CSMD3: variants seen among roughly 807,000 people sequenced by gnomAD.
CSMD3 encodes the protein CUB and Sushi multiple domains 3.
Under a neutral mutation model 435.2 loss-of-function variants are expected in CSMD3, and 177 were observed. The observed-to-expected ratio is 0.41, with a 90% CI of 0.36 to 0.46. CSMD3 has a LOEUF of 0.46. Ranked by LOEUF, CSMD3 falls within the 20% of genes least tolerant of loss-of-function variation. The pLI is 0.34. For missense variants in CSMD3, 4,265 were observed against 4,504.6 expected (o/e 0.95, Z 1.52); for synonymous variants, 1,656 against 1,520.5 (o/e 1.09, Z -2.07).
At chr8:113,099,245 A>C (rs1305384826) in intron 4 of CSMD3, among the ~76,000 whole-genome samples, 2 of 152,104 alleles carry the variant, frequency 1.3e-5, no homozygotes, top group Non-Finnish European at 2.9e-5. Context: ...CATTAGGAAA[A>C]TAGAATCAAG....
intron 3 of CSMD3, among the ~76,000 whole-genome samples, chr8:113,190,951 A>T (rs1476967961): frequency 6.6e-6 from 1 of 151,772 alleles, no homozygotes; most frequent in Non-Finnish European, 1.5e-5. Flanking sequence ...AATACATTTA[A>T]ATGTTTTAGG....
chr8:112,538,153 T>C (rs898717629), intron 27 of CSMD3, among the ~76,000 whole-genome samples: 20 of 152,024 alleles, frequency 1.3e-4, no homozygotes, highest in Admixed American at 1.3e-4. Context: ...CATCCCTTAA[T>C]GATAACAACT....
At chr8:113,300,430 A>G (rs2093756991) in intron 2 of CSMD3, among the ~76,000 whole-genome samples, 1 of 152,160 alleles carries the variant, frequency 6.6e-6, no homozygotes, top group Admixed American at 6.6e-5. Flanking sequence ...AAGTCATGGA[A>G]CCAACCTAAG....
intron 59 of CSMD3, among the ~76,000 whole-genome samples, chr8:112,279,084 A>G (rs1258015914): frequency 6.6e-6 from 1 of 152,168 alleles, no homozygotes; most frequent in East Asian, 1.9e-4. Context: ...GAGAAGAAAC[A>G]AAAATTGAAA....
At chr8:112,425,974 C>CA (rs543349600) in intron 32 of CSMD3, among the ~76,000 whole-genome samples, 108 of 151,956 alleles carry the variant, frequency 7.1e-4, no homozygotes, top group Non-Finnish European at 1.4e-3. Flanking sequence ...TAAGCAGAAA[C>CA]AAAAAATACA....
At chr8:112,379,337 C>T (rs1019014089) in intron 38 of CSMD3, among the ~76,000 whole-genome samples, 2 of 151,930 alleles carry the variant, frequency 1.3e-5, no homozygotes, top group Admixed American at 6.6e-5. Flanking sequence ...GGAGTGGTGT[C>T]GGGCACAAGT....
chr8:112,980,251 A>G (rs1167001922), intron 6 of CSMD3, among the ~76,000 whole-genome samples: 1 of 150,894 alleles, frequency 6.6e-6, no homozygotes, highest in East Asian at 2.0e-4. Context: ...AACAGAATAT[A>G]TTGCTAGAGA....
Position 112,234,449 on chromosome 8 carries a change from T to C in CSMD3, c.10656A>G (p.Leu3552=), listed in dbSNP as rs1242276307. 1.5e-5 allele frequency: 24 copies of C among 1,613,016 alleles called. No homozygotes were observed. Among genetic ancestry groups the C allele is most frequent in the Non-Finnish European group, 2.0e-5 (23 of 1,179,276 alleles). The change falls in exon 68 of 71, where the codon CTA becomes CTG. Residue 3552 remains leucine, a synonymous_variant. Coordinates refer to ENST00000297405, the MANE Select transcript of CSMD3 (RefSeq NM_198123.2). ...CTTTAATAAGATATATGCGTAACAT[T>C]AGGCGAGCTTCCTGGCTTTTATATA... ...SGVYKSQEAR[L]MLRIYLIKVP... is the part of the protein sequence containing the mutation.
chr8:113,422,166 T>C (rs2094611814), intron 1 of CSMD3, among the ~76,000 whole-genome samples: 1 of 152,190 alleles, frequency 6.6e-6, no homozygotes, highest in South Asian at 2.1e-4. Flanking sequence ...CTGGCTTTTC[T>C]TTGAGTCTCT....
chr8:112,643,935 C>A (rs1318058960), intron 20 of CSMD3, among the ~76,000 whole-genome samples: 1 of 151,756 alleles, frequency 6.6e-6, no homozygotes, highest in Non-Finnish European at 1.5e-5. Flanking sequence ...TAAACACAAG[C>A]TTTTAGTTTT....
chr8:112,301,022 A>G (rs1820871920), intron 53 of CSMD3, among the ~76,000 whole-genome samples: 1 of 152,130 alleles, frequency 6.6e-6, no homozygotes, highest in Non-Finnish European at 1.5e-5. Flanking sequence ...CTTCCAACAG[A>G]TAAGTGAATA....
At chr8:112,669,901 C>T (rs369120835) in intron 16 of CSMD3, among the ~76,000 whole-genome samples, 94 of 152,116 alleles carry the variant, frequency 6.2e-4, no homozygotes, top group African/African-American at 2.2e-3. Context: ...AAATAATTTG[C>T]ATCTGAACTG....
intron 5 of CSMD3, among the ~76,000 whole-genome samples, chr8:113,075,083 C>T (rs1484578331): frequency 6.6e-6 from 1 of 151,656 alleles, no homozygotes; most frequent in Non-Finnish European, 1.5e-5. Context: ...GTATTATGCA[C>T]TGTTTCTAAG....
intron 22 of CSMD3, among the ~76,000 whole-genome samples, chr8:112,589,298 C>A (rs932380626): frequency 2.0e-5 from 3 of 152,114 alleles, no homozygotes; most frequent in African/African-American, 7.2e-5. Context: ...TGGCCCTTGG[C>A]CACAGTCTCA....
intron 31 of CSMD3, among the ~76,000 whole-genome samples, chr8:112,482,393 T>A (rs1348652119): frequency 6.6e-6 from 1 of 152,216 alleles, no homozygotes; most frequent in African/African-American, 2.4e-5. Context: ...ATAATTTACA[T>A]ACATAAAATT....
At chr8:113,010,832 C>A (rs945332453) in intron 6 of CSMD3, among the ~76,000 whole-genome samples, 1 of 151,394 alleles carries the variant, frequency 6.6e-6, no homozygotes. Flanking sequence ...TAATTATAAA[C>A]CAGAGTCACT....
At chr8:112,553,045 T>A (rs761600552) in intron 25 of CSMD3, among the ~76,000 whole-genome samples, 1 of 152,114 alleles carries the variant, frequency 6.6e-6, no homozygotes, top group Non-Finnish European at 1.5e-5. Flanking sequence ...GGGAAACAGA[T>A]GGCAAGTTGC....
At chr8:113,047,840 T>A (rs932591661) in intron 5 of CSMD3, among the ~76,000 whole-genome samples, 1 of 152,226 alleles carries the variant, frequency 6.6e-6, no homozygotes, top group Non-Finnish European at 1.5e-5. Context: ...TCTGGGTGTG[T>A]GTCACAGTGG....
chr8:112,310,595 G>T (rs2130809749), intron 50 of CSMD3: 1 of 254,644 alleles, frequency 3.9e-6, no homozygotes, highest in East Asian at 9.4e-5. Flanking sequence ...TGCTAAGAGT[G>T]AAACTCAGTC....
Sources: allele counts gnomAD v4.1 joint callset (sites outside exome capture counted in the v4.1 genomes callset), GRCh38; gene constraint gnomAD v4.1.1; transcripts MANE v1.5; gene names NCBI Gene and HGNC (gene_info 2026-07-23, HGNC 2026-07-21).